Variants in NSMAF observed in about 807,000 individuals in gnomAD.
NSMAF encodes protein FAN.
A neutral mutation model predicts 134.9 loss-of-function variants in NSMAF; 90 were observed. The observed-to-expected ratio is 0.67, with a 90% CI of 0.56 to 0.79. NSMAF has a LOEUF of 0.79. NSMAF is among the 30% of genes least tolerant of loss of function. The probability of loss-of-function intolerance (pLI) is 0.00; values close to 1 mark genes in which losing one functional copy is unlikely to be tolerated. For missense variants in NSMAF, 1,010 were observed against 1,119.0 expected (o/e 0.90, Z 1.39); for synonymous variants, 358 against 389.6 (o/e 0.92, Z 0.96).
chr8:58,599,435 T>C (rs1806222497), intron 18 of NSMAF, 72 bp from the exon 19 acceptor site: 1 of 1,522,274 alleles, frequency 6.6e-7, no homozygotes, highest in African/African-American at 1.4e-5. Flanking sequence ...TGTCTATCTA[T>C]ATGTATATAA....
Position 58,586,516 on chromosome 8 carries a change from G to C in NSMAF, c.2388C>G (p.Thr796=), listed in dbSNP as rs1373324020. The part of the protein sequence containing the change: ...TVNIWDLTTA[T]LMHQIPCHSG... Reference sequence around the variant, plus strand: ...AATGGCATGGAATCTGGTGCATTAAGGTGGCCGTTGTGAGGTCCCAAATAT... The same window carrying C: ...AATGGCATGGAATCTGGTGCATTAACGTGGCCGTTGTGAGGTCCCAAATAT... Residue 796 remains threonine, a synonymous_variant, in exon 28 of 31, where the codon ACC becomes ACG. Transcript: ENST00000038176. The C allele has an allele frequency of 6.2e-7, 1 of 1,613,320 alleles. No homozygotes were observed. The highest frequency in any genetic ancestry group is 1.7e-5 in the Admixed American group (1 of 59,980).
chr8:58,615,976 A>G (rs577164318), intron 9 of NSMAF, among the ~76,000 whole-genome samples: 1 of 152,318 alleles, frequency 6.6e-6, no homozygotes, highest in East Asian at 1.9e-4. Flanking sequence ...AAAGAAGGGT[A>G]GATACTACAG....
Position 58,597,470 on chromosome 8 carries a change from G to A in NSMAF, c.1709C>T (p.Thr570Ile), listed in dbSNP as rs1439091711. ...FGQTPKQLFV[T>I]PHPRRITPKF... is the part of the protein sequence containing the mutation. ...TGGGGTGATCCTTCGAGGATGTGGTGTCACAAATAGTTGTTTTGGTGTCTG... is the reference window on the plus strand; with the variant it reads ...TGGGGTGATCCTTCGAGGATGTGGTATCACAAATAGTTGTTTTGGTGTCTG... Residue 570 changes from threonine (T) to isoleucine (I), a missense_variant, in exon 21 of 31, where the codon ACA (threonine) becomes ATA (isoleucine). Coordinates refer to ENST00000038176, the MANE Select transcript of NSMAF (RefSeq NM_003580.4). The A allele has an allele frequency of 6.2e-7, 1 of 1,614,018 alleles. No homozygotes were observed. The highest frequency in any genetic ancestry group is 8.5e-7 in the Non-Finnish European group (1 of 1,179,842).
At chr8:58,655,684 G>A (rs1403721490) in intron 1 of NSMAF, among the ~76,000 whole-genome samples, 1 of 151,996 alleles carries the variant, frequency 6.6e-6, no homozygotes, top group Non-Finnish European at 1.5e-5. Context: ...GAGGCGGGCG[G>A]ATCACGAGGA....
intron 28 of NSMAF, chr8:58,586,231 C>T: frequency 1.6e-6 from 1 of 618,392 alleles, no homozygotes. Context: ...ATTAATTTCT[C>T]TAATGAGGAA....
At position 58,605,883 on chromosome 8, in the gene NSMAF, A is replaced by G. The variant is rs748399894; in HGVS notation, c.868+44T>C. 4.3e-6 allele frequency: 4 copies of G among 919,604 alleles called. No homozygotes were observed. The South Asian group carries it at 7.6e-5, about 17-fold the overall frequency. 57.0% of individuals were successfully genotyped at this position (919,604 alleles called of 1,614,324 possible). On this transcript the variant is annotated intron_variant, in intron 12 of 30. Coordinates refer to ENST00000038176, the MANE Select transcript of NSMAF (RefSeq NM_003580.4). ...TGACAGAGCGAGACTCAGCCTCCAA[A>G]AAAAAAAAAAAAAGAAAGAAACAAT...
chr8:58,633,180 A>G (rs1807094715), intron 5 of NSMAF, among the ~76,000 whole-genome samples: 1 of 152,184 alleles, frequency 6.6e-6, no homozygotes, highest in South Asian at 2.1e-4. Context: ...ACCTTGGCCC[A>G]CAAGGCCCCG....
At chr8:58,617,994 A>T (rs556684359) in intron 9 of NSMAF, among the ~76,000 whole-genome samples, 216 of 152,348 alleles carry the variant, frequency 1.4e-3, no homozygotes, top group African/African-American at 4.8e-3. Flanking sequence ...AAAAGGGATG[A>T]GTTCATGTCC....
At chr8:58,621,477 C>A (rs1224215819) in intron 9 of NSMAF, among the ~76,000 whole-genome samples, 1 of 152,154 alleles carries the variant, frequency 6.6e-6, no homozygotes, top group Non-Finnish European at 1.5e-5. Flanking sequence ...TATACGCAAT[C>A]ATGGGACTGC....
chr8:58,589,116 T>C (rs933945271), intron 26 of NSMAF, among the ~76,000 whole-genome samples: 1 of 149,544 alleles, frequency 6.7e-6, no homozygotes, highest in African/African-American at 2.4e-5. Flanking sequence ...CGTAAGGATA[T>C]TGAATGTTAT....
At chr8:58,618,214 G>T (rs541228350) in intron 9 of NSMAF, among the ~76,000 whole-genome samples, 3 of 152,164 alleles carry the variant, frequency 2.0e-5, no homozygotes, top group African/African-American at 7.2e-5. Context: ...TAATGTAAAT[G>T]ATGAGTTGAC....
chr8:58,658,989 G>T (rs2242344), intron 1 of NSMAF, among the ~76,000 whole-genome samples: 61,089 of 152,040 alleles, frequency 0.4, 14,261 homozygotes, highest in African/African-American at 0.66. Context: ...AGGCCTTTCC[G>T]GCGGCCCCCC....
intron 6 of NSMAF, among the ~76,000 whole-genome samples, chr8:58,628,804 G>A (rs1256477222): frequency 6.6e-6 from 1 of 152,004 alleles, no homozygotes; most frequent in Non-Finnish European, 1.5e-5. Flanking sequence ...CAGATACAGT[G>A]TTCTTTGTTG....
chr8:58,584,160 A>G lies in NSMAF; in HGVS notation c.2700T>C (p.Ser900=), dbSNP rs960306937. 6.2e-7 allele frequency: 1 copy of G among 1,613,686 alleles called. No homozygotes were observed. Among genetic ancestry groups the G allele is most frequent in the Admixed American group, 1.7e-5 (1 of 59,996 alleles). The change falls in exon 31 of 31, where the codon AGT becomes AGC. Residue 900 remains serine, a synonymous_variant. Transcript: ENST00000038176. ...TCIWMNEQCS[S]IITGGEDRQI... is the part of the protein sequence containing the mutation. ...GTCTGTCTTCCCCTCCTGTGATGATACTGCTACACTGTTCATTCATCCATA... is the reference window on the plus strand; with the variant it reads ...GTCTGTCTTCCCCTCCTGTGATGATGCTGCTACACTGTTCATTCATCCATA...
chr8:58,618,972 C>T (rs7011066), intron 9 of NSMAF, among the ~76,000 whole-genome samples: 37 of 151,872 alleles, frequency 2.4e-4, no homozygotes, highest in Admixed American at 2.4e-3. Flanking sequence ...TTAAAACGTT[C>T]ACAGTGAACT....
chr8:58,603,320 T>C lies in NSMAF; in HGVS notation c.935A>G (p.Asn312Ser), dbSNP rs754796900. 2 of 1,614,170 alleles carry C rather than the reference T, an allele frequency of 1.2e-6. No homozygotes were observed. The highest frequency in any genetic ancestry group is 1.7e-6 in the Non-Finnish European group (2 of 1,180,012). Residue 312 changes from asparagine (N) to serine (S), a missense_variant, in exon 13 of 31, where the codon AAC (asparagine) becomes AGC (serine). By Grantham distance (46) the Asn-to-Ser change is conservative (BLOSUM62 1). Coordinates refer to ENST00000038176, the MANE Select transcript of NSMAF (RefSeq NM_003580.4). ...GTTGAGGTGAAGGAGGTACTGATAGTTGGAAAGGTGTCCACGCTGCCACTG... is the reference window on the plus strand; with the variant it reads ...GTTGAGGTGAAGGAGGTACTGATAGCTGGAAAGGTGTCCACGCTGCCACTG... ...MLQWQRGHLSNYQYLLHLNNL... is the reference protein window; with the variant it reads ...MLQWQRGHLSSYQYLLHLNNL...
At chr8:58,629,353 A>G (rs1237265307) in intron 6 of NSMAF, among the ~76,000 whole-genome samples, 2 of 152,100 alleles carry the variant, frequency 1.3e-5, no homozygotes, top group Admixed American at 1.3e-4. Flanking sequence ...AAGTTACTAC[A>G]TTCTTCTCCA....
chr8:58,606,082 T>C, intron 11 of NSMAF, 47 bp from the exon 12 acceptor site: 1 of 1,010,728 alleles, frequency 9.9e-7, no homozygotes, highest in Non-Finnish European at 1.4e-6. Flanking sequence ...ATTGTATTCA[T>C]CTTGCAATCC....
At chr8:58,593,405 A>G (rs1469898084) in intron 23 of NSMAF, among the ~76,000 whole-genome samples, 1 of 152,234 alleles carries the variant, frequency 6.6e-6, no homozygotes, top group African/African-American at 2.4e-5. Context: ...ATTTTCCTGA[A>G]AGTGTTTAGT....
Sources: gnomAD v4.1 joint callset for allele counts (sites outside exome capture counted in the v4.1 genomes callset) on GRCh38, gnomAD v4.1.1 for gene constraint, MANE v1.5 for transcripts, NCBI Gene and HGNC (gene_info 2026-07-23, HGNC 2026-07-21) for gene names.